Variants in PRELID2 observed in about 807,000 individuals in gnomAD.
PRELID2 encodes the protein PRELI domain containing 2.
A neutral mutation model predicts 28.4 loss-of-function variants in PRELID2; 25 were observed. That is an observed-to-expected ratio of 0.88 (90% CI 0.64 to 1.23). The LOEUF (loss-of-function observed/expected upper bound fraction) is 1.23, where lower values mean the gene tolerates loss of function less well. Ranked by LOEUF, PRELID2 falls within the 50% of genes most tolerant of loss-of-function variation. The pLI is 0.00. For missense variants in PRELID2, 201 were observed against 214.4 expected, an observed-to-expected ratio of 0.94 and a Z score of 0.39; for synonymous variants, 76 against 71.6, an observed-to-expected ratio of 1.06 and a Z score of -0.31.
At chr5:145,698,981 C>G (rs1043166800) in intron 1 of PRELID2, among the ~76,000 whole-genome samples, 6 of 152,216 alleles carry the variant, frequency 3.9e-5, no homozygotes, top group African/African-American at 1.4e-4. Flanking sequence ...CCCGCCTCAG[C>G]CTCCCAAAGT....
chr5:145,415,226 A>G, the PRELID2 span, among the ~76,000 whole-genome samples: 5,165 of 147,722 alleles, frequency 0.035, 99 homozygotes, highest in Non-Finnish European at 0.048. Context: ...TTCCTGAATG[A>G]CTCTTTTTTT....
the PRELID2 span, among the ~76,000 whole-genome samples, chr5:145,299,646 T>C: frequency 2.0e-4 from 19 of 97,262 alleles, no homozygotes; most frequent in East Asian, 9.6e-4. Context: ...TGTGTGTGCG[T>C]GTGTGTGTGT....
chr5:145,481,700 G>A (rs1230683875), intron 1 of PRELID2, among the ~76,000 whole-genome samples: 1 of 143,298 alleles, frequency 7.0e-6, no homozygotes, highest in Admixed American at 7.0e-5. Context: ...CAGAAAGGAA[G>A]TACCAATAGA....
At chr5:145,818,169 A>G (rs1202397394) in intron 3 of PRELID2, 115 bp from the exon 4 acceptor site, 5 of 1,042,046 alleles carry the variant, frequency 4.8e-6, no homozygotes, top group Admixed American at 4.8e-5. Flanking sequence ...ATCCTGATAC[A>G]TGGATGATGG....
At chr5:145,273,015 A>C in the PRELID2 span, among the ~76,000 whole-genome samples, 44 of 152,060 alleles carry the variant, frequency 2.9e-4, no homozygotes, top group South Asian at 6.2e-4. Context: ...AGAGAGGCAA[A>C]CCAAAATTAG....
the PRELID2 span, among the ~76,000 whole-genome samples, chr5:145,280,365 ATGT>A: frequency 1.4e-4 from 21 of 152,298 alleles, no homozygotes; most frequent in Middle Eastern, 3.4e-3. Flanking sequence ...TTCTTTGCTC[ATGT>A]TGTTAAAAAG....
intron 1 of PRELID2, among the ~76,000 whole-genome samples, chr5:145,825,516 C>T (rs949093942): frequency 3.3e-5 from 5 of 151,908 alleles, no homozygotes; most frequent in Admixed American, 3.3e-4. Context: ...CATTACATAC[C>T]CATAAATATA....
At chr5:145,301,863 T>A in the PRELID2 span, among the ~76,000 whole-genome samples, 1 of 151,958 alleles carries the variant, frequency 6.6e-6, no homozygotes, top group East Asian at 1.9e-4. Flanking sequence ...CCATATAGTC[T>A]TGATTATTGT....
the PRELID2 span, among the ~76,000 whole-genome samples, chr5:145,366,067 C>T: frequency 2.0e-5 from 3 of 151,846 alleles, no homozygotes; most frequent in East Asian, 5.8e-4. Context: ...CTCAATCTGC[C>T]TGTGCAGACT....
At chr5:145,810,682 A>T (rs915143867) in intron 4 of PRELID2, among the ~76,000 whole-genome samples, 2 of 152,192 alleles carry the variant, frequency 1.3e-5, no homozygotes, top group African/African-American at 4.8e-5. Flanking sequence ...GAAAATAACA[A>T]CTGTAAAAGT....
At chr5:145,486,754 A>T (rs1752221921) in intron 1 of PRELID2, among the ~76,000 whole-genome samples, 1 of 152,184 alleles carries the variant, frequency 6.6e-6, no homozygotes, top group Admixed American at 6.5e-5. Context: ...TGTGATCAAG[A>T]CTAAGTATAT....
At chr5:145,405,791 C>A in the PRELID2 span, among the ~76,000 whole-genome samples, 1 of 150,670 alleles carries the variant, frequency 6.6e-6, no homozygotes, top group Non-Finnish European at 1.5e-5. Flanking sequence ...CTGCAAGCTC[C>A]GCCTCCCAGG....
At chr5:145,623,690 T>C (rs6892596) in intron 1 of PRELID2, among the ~76,000 whole-genome samples, 3,401 of 152,242 alleles carry the variant, frequency 0.022, 129 homozygotes, top group African/African-American at 0.076. Flanking sequence ...TTGTGGATCA[T>C]CGTGGAAAGC....
chr5:145,416,101 A>G, the PRELID2 span, among the ~76,000 whole-genome samples: 4 of 151,856 alleles, frequency 2.6e-5, no homozygotes, highest in Non-Finnish European at 5.9e-5. Context: ...GTCTGTTCAT[A>G]TCCTTCACCC....
the PRELID2 span, among the ~76,000 whole-genome samples, chr5:145,311,095 A>G: frequency 6.6e-6 from 1 of 152,182 alleles, no homozygotes; most frequent in Non-Finnish European, 1.5e-5. Context: ...GAATTCTGAA[A>G]TCTCAGTGGT....
At chr5:145,267,312 AC>A in the PRELID2 span, among the ~76,000 whole-genome samples, 1 of 152,034 alleles carries the variant, frequency 6.6e-6, no homozygotes, top group Admixed American at 6.6e-5. Flanking sequence ...CAGCCCACTG[AC>A]CCAAATGTTA....
intron 1 of PRELID2, among the ~76,000 whole-genome samples, chr5:145,555,090 G>A (rs1378170514): frequency 6.6e-6 from 1 of 152,208 alleles, no homozygotes; most frequent in Admixed American, 6.5e-5. Flanking sequence ...AAATAGATAA[G>A]TAGAATTTCA....
chr5:145,819,543 T>C, intron 3 of PRELID2: 2 of 610,460 alleles, frequency 3.3e-6, no homozygotes. Flanking sequence ...CTGTTATCTC[T>C]GATAGTGAAT....
chr5:145,662,296 T>C (rs1157503338), intron 1 of PRELID2, among the ~76,000 whole-genome samples: 1 of 152,114 alleles, frequency 6.6e-6, no homozygotes, highest in Admixed American at 6.5e-5. Context: ...TAAGACTGGA[T>C]TCGCATAAGA....
Sources: gnomAD v4.1 joint callset for allele counts (sites outside exome capture counted in the v4.1 genomes callset) on GRCh38, gnomAD v4.1.1 for gene constraint, MANE v1.5 for transcripts, NCBI Gene and HGNC (gene_info 2026-07-23, HGNC 2026-07-21) for gene names.